DMRT1: variants seen among roughly 807,000 people sequenced by gnomAD.
DMRT1 encodes the protein doublesex and mab-3 related transcription factor 1.
In DMRT1, 7 loss-of-function variants were observed where a neutral mutation model predicts 32.3. That is an observed-to-expected ratio of 0.22 (90% CI 0.12 to 0.41). The LOEUF is 0.41. DMRT1 is among the 10% of genes least tolerant of loss of function. The pLI is 1.00. For synonymous variants in DMRT1, 278 were observed against 206.1 expected, an observed-to-expected ratio of 1.35 and a Z score of -2.99; for missense variants, 625 against 500.5, an observed-to-expected ratio of 1.25 and a Z score of -2.37.
intron 4 of DMRT1, among the ~76,000 whole-genome samples, chr9:959,593 A>G (rs989636573): frequency 1.1e-4 from 16 of 152,288 alleles, no homozygotes; most frequent in Middle Eastern, 3.4e-3. Flanking sequence ...CAGTGGCACT[A>G]TCTTGGCTCA....
At chr9:853,041 C>A (rs1415328149) in intron 2 of DMRT1, among the ~76,000 whole-genome samples, 1 of 152,140 alleles carries the variant, frequency 6.6e-6, no homozygotes, top group African/African-American at 2.4e-5. Flanking sequence ...AGAGATATGG[C>A]TGGTGAATTC....
chr9:905,970 G>A (rs1427762922), intron 3 of DMRT1, among the ~76,000 whole-genome samples: 5 of 152,002 alleles, frequency 3.3e-5, no homozygotes, highest in South Asian at 2.1e-4. Context: ...TTTTAAAGCC[G>A]TGAAATTCTG....
At chr9:929,835 T>C (rs966397564) in intron 4 of DMRT1, among the ~76,000 whole-genome samples, 2 of 152,046 alleles carry the variant, frequency 1.3e-5, no homozygotes, top group African/African-American at 4.8e-5. Flanking sequence ...AAGTGAGAAA[T>C]TCATTGAGTG....
chr9:883,143 G>C (rs886755524), intron 2 of DMRT1, among the ~76,000 whole-genome samples: 5 of 151,308 alleles, frequency 3.3e-5, no homozygotes, highest in African/African-American at 7.3e-5. Flanking sequence ...CCACATTGAC[G>C]CTGCACTCCC....
chr9:878,923 C>T (rs538749017), intron 2 of DMRT1, among the ~76,000 whole-genome samples: 7 of 152,250 alleles, frequency 4.6e-5, no homozygotes, highest in African/African-American at 7.2e-5. Flanking sequence ...ATTTCAGATC[C>T]GATCAATTAC....
intron 4 of DMRT1, among the ~76,000 whole-genome samples, chr9:951,899 A>T (rs1377776089): frequency 6.6e-6 from 1 of 152,144 alleles, no homozygotes; most frequent in African/African-American, 2.4e-5. Flanking sequence ...GCACTTACTG[A>T]TTATCTGCTC....
chr9:955,798 G>T (rs1056263909), intron 4 of DMRT1, among the ~76,000 whole-genome samples: 1 of 152,222 alleles, frequency 6.6e-6, no homozygotes, highest in African/African-American at 2.4e-5. Flanking sequence ...AATAAGCGTT[G>T]CTGAGATGTG....
intron 4 of DMRT1, among the ~76,000 whole-genome samples, chr9:961,878 A>G (rs993417611): frequency 1.3e-5 from 2 of 152,320 alleles, no homozygotes; most frequent in Middle Eastern, 6.8e-3. Context: ...CATCTTCACT[A>G]CTATCTGTTA....
intron 2 of DMRT1, among the ~76,000 whole-genome samples, chr9:850,182 C>G (rs944190248): frequency 6.6e-6 from 1 of 152,312 alleles, no homozygotes; most frequent in East Asian, 1.9e-4. Flanking sequence ...TGCTGTCATT[C>G]ATGGGATTTG....
intron 2 of DMRT1, among the ~76,000 whole-genome samples, chr9:876,202 C>G (rs1201643897): frequency 1.3e-5 from 2 of 152,148 alleles, no homozygotes; most frequent in African/African-American, 4.8e-5. Context: ...TTAGCAGCAG[C>G]TGGCAGTGAG....
chr9:963,430 T>C (rs770329645), intron 4 of DMRT1, among the ~76,000 whole-genome samples: 4 of 152,038 alleles, frequency 2.6e-5, no homozygotes, highest in Non-Finnish European at 5.9e-5. Context: ...TTTTTTTTAG[T>C]AAATTTATAG....
chr9:943,795 C>A (rs192475734), intron 4 of DMRT1, among the ~76,000 whole-genome samples: 1 of 152,194 alleles, frequency 6.6e-6, no homozygotes, highest in East Asian at 1.9e-4. Context: ...TAAGAAAAGC[C>A]GCAAAAGCAC....
intron 3 of DMRT1, among the ~76,000 whole-genome samples, chr9:906,502 C>G (rs1817782944): frequency 6.6e-6 from 1 of 152,146 alleles, no homozygotes; most frequent in South Asian, 2.1e-4. Flanking sequence ...GATGTCGCAG[C>G]CCTGGAGATT....
intron 4 of DMRT1, among the ~76,000 whole-genome samples, chr9:924,113 C>G (rs891030332): frequency 6.7e-6 from 1 of 149,496 alleles, no homozygotes; most frequent in African/African-American, 2.5e-5. Flanking sequence ...TCTCTGTCTC[C>G]CAGGCTGGAG....
chr9:964,423 G>A (rs1214207046), intron 4 of DMRT1, among the ~76,000 whole-genome samples: 1 of 151,920 alleles, frequency 6.6e-6, no homozygotes, highest in Non-Finnish European at 1.5e-5. Context: ...TAGATTTGCT[G>A]GTTCAAACAA....
intron 4 of DMRT1, among the ~76,000 whole-genome samples, chr9:921,710 C>CA (rs1048500071): frequency 6.6e-6 from 1 of 151,986 alleles, no homozygotes; most frequent in African/African-American, 2.4e-5. Flanking sequence ...CCCATCTCTA[C>CA]AAAAAAATAA....
At chr9:916,943 G>C in intron 4 of DMRT1, 36 bp downstream of exon 4, 4 of 1,613,342 alleles carry the variant, frequency 2.5e-6, no homozygotes, top group Non-Finnish European at 3.4e-6. Flanking sequence ...ATTTGGGGTT[G>C]AGAGAGGATG....
At chr9:936,753 CAAA>C (rs552878647) in intron 4 of DMRT1, among the ~76,000 whole-genome samples, 4 of 105,646 alleles carry the variant, frequency 3.8e-5, no homozygotes, top group African/African-American at 6.1e-5. Flanking sequence ...AACTTCATCT[CAAA>C]AAAAAAAAAA....
chr9:891,853 T>C (rs1270812329), intron 2 of DMRT1, among the ~76,000 whole-genome samples: 1 of 152,178 alleles, frequency 6.6e-6, no homozygotes. Flanking sequence ...CACATTATTT[T>C]TGATGCCAAG....
Sources: allele counts gnomAD v4.1 joint callset (sites outside exome capture counted in the v4.1 genomes callset), GRCh38; gene constraint gnomAD v4.1.1; transcripts MANE v1.5; gene names NCBI Gene and HGNC (gene_info 2026-07-23, HGNC 2026-07-21).